The following RGN variants were observed in gnomAD, a reference collection of about 807,000 sequenced individuals.
RGN encodes regucalcin, also known as epididymis secretory protein Li 41.
RGN carries 19 observed loss-of-function variants against 20.6 expected under a neutral mutation model. The ratio of observed to expected loss-of-function variants is 0.92; its 90% CI spans 0.64 to 1.35. The LOEUF (loss-of-function observed/expected upper bound fraction) is 1.35, where lower values mean the gene tolerates loss of function less well. Ranked by LOEUF, RGN falls within the 40% of genes most tolerant of loss-of-function variation. RGN has a pLI of 0.00. For synonymous variants in RGN, 85 were observed against 87.2 expected, an observed-to-expected ratio of 0.97 and a Z score of 0.14; for missense variants, 302 against 232.7, an observed-to-expected ratio of 1.30 and a Z score of -1.94.
At position 47,092,134 on chromosome X, in the gene RGN, T is replaced by C. The variant is rs781974604; in HGVS notation, c.768T>C (p.Ser256=). The C allele has an allele frequency of 5.8e-6, 7 of 1,206,131 alleles. No homozygotes were observed. The highest frequency in any genetic ancestry group is 1.8e-5 in the South Asian group (1 of 56,172). Residue 256 remains serine, a synonymous_variant, in exon 7 of 8, where the codon TCT becomes TCC. Coordinates refer to ENST00000397180, the MANE Select transcript of RGN (RefSeq NM_152869.4). ...TSCCFGGKNY[S]EMYVTCARDG... Reference sequence around the variant, plus strand: ...GCTGCTTTGGAGGGAAGAATTACTCTGAAATGTATGTGACCTGCGCCCGGG... The same window carrying C: ...GCTGCTTTGGAGGGAAGAATTACTCCGAAATGTATGTGACCTGCGCCCGGG...
At chrX:47,092,665 A>C (rs955667481) in intron 7 of RGN, among the ~76,000 whole-genome samples, 2 of 112,284 alleles carry the variant, frequency 1.8e-5, no homozygotes, top group African/African-American at 6.5e-5. Flanking sequence ...AGATGATAGG[A>C]GTAATCCAGT....
At chrX:47,081,604 A>G (rs1291389900) in intron 3 of RGN, among the ~76,000 whole-genome samples, 2 of 108,242 alleles carry the variant, frequency 1.8e-5, no homozygotes, top group Non-Finnish European at 3.8e-5. Flanking sequence ...CTGGAGTGCC[A>G]TGGTGTGATC....
intron 3 of RGN, among the ~76,000 whole-genome samples, chrX:47,083,331 G>A (rs781833857): frequency 4.4e-4 from 48 of 108,558 alleles, no homozygotes; most frequent in African/African-American, 1.4e-3. Context: ...CCTGGGAGGC[G>A]GAGGTTGCAG....
chrX:47,085,536 C>A (rs1438775963), intron 4 of RGN, among the ~76,000 whole-genome samples: 1 of 110,896 alleles, frequency 9.0e-6, no homozygotes, highest in Admixed American at 9.6e-5. Context: ...AAGAATAGTA[C>A]AAACAACACT....
intron 4 of RGN, chrX:47,084,975 T>A (rs1602445276): frequency 7.3e-6 from 1 of 136,477 alleles, no homozygotes; most frequent in Admixed American, 8.6e-5. Context: ...AGAAAGAAAG[T>A]AAGTAAGTTA....
intron 1 of RGN, among the ~76,000 whole-genome samples, chrX:47,079,885 T>TTTTA (rs1204786950): frequency 9.0e-6 from 1 of 111,219 alleles, no homozygotes; most frequent in Non-Finnish European, 1.9e-5. Context: ...TGCAGGCCAT[T>TTTTA]TTTATTTATT....
In RGN at chrX:47,089,799, C is replaced by G; in HGVS notation, c.370C>G (p.Pro124Ala). 1 of 1,205,975 alleles carries G rather than the reference C, an allele frequency of 8.3e-7. No homozygotes were observed. The highest frequency in any genetic ancestry group is 1.1e-6 in the Non-Finnish European group (1 of 893,464). ...FAGTMAEETA[P>A]AVLERHQGAL... ...AGGCACCATGGCTGAGGAAACAGCT[C>G]CAGCAGTTCTTGAGCGGCACCAGGG... The change falls in exon 5 of 8, where the codon CCA becomes GCA. Residue 124 changes from proline to alanine, a missense_variant. Transcript: ENST00000397180.
At chrX:47,089,584 T>C (rs1477993914) in intron 4 of RGN, among the ~76,000 whole-genome samples, 192 bp from the exon 5 acceptor site, 1 of 48,982 alleles carries the variant, frequency 2.0e-5, no homozygotes, top group Non-Finnish European at 3.1e-5. Flanking sequence ...ATACTTTATA[T>C]ATATATATAT....
intron 5 of RGN, 98 bp from the exon 6 acceptor site, chrX:47,091,580 A>G: frequency 1.0e-6 from 1 of 966,947 alleles, no homozygotes; most frequent in Non-Finnish European, 1.4e-6. Flanking sequence ...AGTGATCTGT[A>G]TTTATAACCA....
At chrX:47,091,840 T>C (rs782670156) in intron 6 of RGN, 31 bp downstream of exon 6, 15 of 1,195,000 alleles carry the variant, frequency 1.3e-5, no homozygotes, top group Admixed American at 4.6e-5. Flanking sequence ...AAAATCCTTG[T>C]CATGGCTAGG....
At position 47,080,927 on chromosome X, in the gene RGN, C is replaced by T; in HGVS notation, c.-25C>T. ...TCTTTTTGAAAGATCATTCGAGAAA[C>T]ACGTCACTGGTAAGTTGGTTGAAGA... On this transcript the variant is annotated 5_prime_UTR_variant, in exon 2 of 8. Coordinates refer to ENST00000397180, the MANE Select transcript of RGN (RefSeq NM_152869.4). 1 of 362,821 alleles carries T rather than the reference C, an allele frequency of 2.8e-6. No individual in the cohort carries two copies. The highest frequency in any genetic ancestry group is 7.0e-5 in the South Asian group (1 of 14,217). The allele number at this position is 362,821 out of a possible 1,213,427, so 29.9% of individuals were successfully genotyped here. A position where few individuals can be genotyped will look rare whatever the true frequency, so the allele number is the denominator to read the frequency against.
intron 4 of RGN, among the ~76,000 whole-genome samples, chrX:47,088,526 T>C (rs1251760840): frequency 2.7e-5 from 3 of 111,109 alleles, no homozygotes; most frequent in Non-Finnish European, 5.7e-5. Context: ...ATTTTCGGCA[T>C]CTGTTGATTC....
At chrX:47,079,251 G>A (rs1930172638) in intron 1 of RGN, among the ~76,000 whole-genome samples, 1 of 108,349 alleles carries the variant, frequency 9.2e-6, no homozygotes, top group African/African-American at 3.4e-5. Context: ...CGAGCCACCA[G>A]CACCGGCCTG....
In RGN at chrX:47,084,598, C is replaced by G. The variant is rs781886297; in HGVS notation, c.344C>G (p.Ala115Gly). The change falls in exon 4 of 8, where the codon GCT becomes GGT. Residue 115 changes from alanine to glycine, a missense_variant and splice_region_variant. By Grantham distance (60) the Ala-to-Gly change is moderately conservative. Transcript: ENST00000397180. Reference sequence around the variant, plus strand: ...GTGGATCCCGCCGGGAGGTACTTTGCTGGTAAGATTTCTCTTAACACCTAC... The same window carrying G: ...GTGGATCCCGCCGGGAGGTACTTTGGTGGTAAGATTTCTCTTAACACCTAC... ...GKVDPAGRYFAGTMAEETAPA... is the reference protein window; with the variant it reads ...GKVDPAGRYFGGTMAEETAPA... 23 of 1,176,038 alleles carry G rather than the reference C, an allele frequency of 2.0e-5. No individual in the cohort carries two copies. The East Asian group carries it at 6.5e-4, about 33-fold the overall frequency.
At chrX:47,079,519 C>T (rs1284147156) in intron 1 of RGN, among the ~76,000 whole-genome samples, 2 of 108,239 alleles carry the variant, frequency 1.8e-5, no homozygotes, top group African/African-American at 6.7e-5. Flanking sequence ...CAACCTCTGC[C>T]TCCCGGGTTC....
rs1356498008 is a variant in RGN, at chrX:47,084,691, C to T, written c.346+91C>T. ...CTCACTACTGACCAGGGTGGTGGCT[C>T]CCGCCTGTAATCCAGCACTTTGGGA... On this transcript the variant is annotated intron_variant, in intron 4 of 7. Coordinates refer to ENST00000397180, the MANE Select transcript of RGN (RefSeq NM_152869.4). The T allele has an allele frequency of 9.6e-6, 8 of 829,054 alleles. No individual in the cohort carries two copies. In the East Asian group the frequency reaches 2.5e-4, roughly 26 times the overall value. 68.3% of individuals were successfully genotyped at this position (829,054 alleles called of 1,213,427 possible). A position where few individuals can be genotyped will look rare whatever the true frequency, so the allele number is the denominator to read the frequency against.
rs782509022 is a variant in RGN at position 47,090,515 on chromosome X, A to G, written c.562+524A>G. Among the ~76,000 whole-genome samples, 37 of 110,727 alleles carry G rather than the reference A, an allele frequency of 3.3e-4. No individual in the cohort carries two copies. In the South Asian group the frequency reaches 0.014, roughly 42 times the overall value. On this transcript the variant is annotated intron_variant, in intron 5 of 7. Coordinates refer to ENST00000397180, the MANE Select transcript of RGN (RefSeq NM_152869.4). Reference sequence around the variant, plus strand: ...AAAAAAAAGTAATTGCACGTTGTCCAACTCCATCAATACGCTTGAAAGGAG... The same window carrying G: ...AAAAAAAAGTAATTGCACGTTGTCCGACTCCATCAATACGCTTGAAAGGAG...
In RGN at chrX:47,078,599, G is replaced by A. The variant is rs1378358250; in HGVS notation, c.-746G>A. The A allele has an allele frequency of 8.9e-6, 1 of 112,778 alleles. No individual in the cohort carries two copies. Among genetic ancestry groups the A allele is most frequent in the Admixed American group, 9.3e-5 (1 of 10,711 alleles). 9.3% of individuals were successfully genotyped at this position (112,778 alleles called of 1,213,427 possible). A position where few individuals can be genotyped will look rare whatever the true frequency, so the allele number is the denominator to read the frequency against. Reference sequence around the variant, plus strand: ...TCTGCAAAGCCTGCGCCAGGGAGGAGGCAGGCTCAACCTTCAGATTCCCAG... The same window carrying A: ...TCTGCAAAGCCTGCGCCAGGGAGGAAGCAGGCTCAACCTTCAGATTCCCAG... On this transcript the variant is annotated 5_prime_UTR_variant, in exon 1 of 8. Coordinates refer to ENST00000397180, the MANE Select transcript of RGN (RefSeq NM_152869.4).
chrX:47,078,555 C>T lies in RGN; in HGVS notation c.-790C>T, dbSNP rs1930133547. The T allele has an allele frequency of 8.8e-6, 1 of 113,044 alleles. No individual in the cohort carries two copies. The highest frequency in any genetic ancestry group is 3.6e-4 in the South Asian group (1 of 2,758). The allele number at this position is 113,044 out of a possible 1,213,427, so 9.3% of individuals were successfully genotyped here. On this transcript the variant is annotated 5_prime_UTR_variant, in exon 1 of 8. Coordinates refer to ENST00000397180, the MANE Select transcript of RGN (RefSeq NM_152869.4). The stretch of plus-strand genomic sequence containing the variant: ...ACCCGGGGACCCGGGCCCGTTCAGC[C>T]GGGCTGGCTGGTGCGCCCTCTGCAA...
Sources: gnomAD v4.1 joint callset for allele counts (sites outside exome capture counted in the v4.1 genomes callset) on GRCh38, gnomAD v4.1.1 for gene constraint, MANE v1.5 for transcripts, NCBI Gene and HGNC (gene_info 2026-07-23, HGNC 2026-07-21) for gene names.